Variants in RAB11A observed in about 807,000 individuals in gnomAD.
RAB11A encodes RAB11A, member RAS oncogene family, also known as ras-related protein Rab-11A.
RAB11A carries 9 observed loss-of-function variants against 28.0 expected under a neutral mutation model. The ratio of observed to expected loss-of-function variants is 0.32; its 90% confidence interval spans 0.19 to 0.56. The LOEUF is 0.56. RAB11A is among the 20% of genes least tolerant of loss of function. The probability of loss-of-function intolerance (pLI) is 0.91; values close to 1 mark genes in which losing one functional copy is unlikely to be tolerated. For missense variants in RAB11A, 108 were observed against 269.6 expected (o/e 0.40, Z 4.20); for synonymous variants, 85 against 88.2 (o/e 0.96, Z 0.20).
At chr15:65,879,317 G>C (rs1243358332) in intron 3 of RAB11A, among the ~76,000 whole-genome samples, 1 of 152,080 alleles carries the variant, frequency 6.6e-6, no homozygotes, top group Non-Finnish European at 1.5e-5. Flanking sequence ...CAGCTCTCTT[G>C]CTATTATTTT....
At chr15:65,871,919 G>A (rs79446161) in intron 1 of RAB11A, among the ~76,000 whole-genome samples, 1 of 72,034 alleles carries the variant, frequency 1.4e-5, no homozygotes, top group Non-Finnish European at 2.6e-5. Flanking sequence ...GGTTTTGTCA[G>A]TTTTTTTTTT....
At chr15:65,885,379 G>A (rs576281507) in intron 4 of RAB11A, among the ~76,000 whole-genome samples, 7 of 152,134 alleles carry the variant, frequency 4.6e-5, no homozygotes, top group African/African-American at 1.7e-4. Context: ...GCCCGCCTTG[G>A]ACTCCTAAAG....
At chr15:65,878,611 G>T (rs2078202999) in intron 3 of RAB11A, among the ~76,000 whole-genome samples, 1 of 152,210 alleles carries the variant, frequency 6.6e-6, no homozygotes. Flanking sequence ...CCCGGGAGCA[G>T]AGCTTGCAGT....
intron 4 of RAB11A, among the ~76,000 whole-genome samples, chr15:65,881,124 C>T (rs889112717): frequency 1.3e-5 from 2 of 152,128 alleles, no homozygotes; most frequent in African/African-American, 4.8e-5. Context: ...TTTCTGTTAT[C>T]AGAAGAATAG....
intron 1 of RAB11A, among the ~76,000 whole-genome samples, chr15:65,870,667 C>T (rs1289754818): frequency 6.6e-6 from 1 of 152,190 alleles, no homozygotes; most frequent in East Asian, 1.9e-4. Flanking sequence ...CTGGGAGGAT[C>T]CAACAGGAAG....
At chr15:65,885,597 C>T (rs1048068139) in intron 4 of RAB11A, among the ~76,000 whole-genome samples, 1 of 152,158 alleles carries the variant, frequency 6.6e-6, no homozygotes, top group Admixed American at 6.5e-5. Context: ...TGAAAGCTAT[C>T]TGATACAGCT....
intron 1 of RAB11A, among the ~76,000 whole-genome samples, chr15:65,876,238 T>C (rs548006091): frequency 1.3e-5 from 2 of 152,260 alleles, no homozygotes; most frequent in South Asian, 4.1e-4. Flanking sequence ...AAGACCTATT[T>C]TCAAAAAAAT....
intron 4 of RAB11A, among the ~76,000 whole-genome samples, chr15:65,881,816 C>A (rs960235963): frequency 6.7e-6 from 1 of 149,852 alleles, no homozygotes; most frequent in Admixed American, 6.7e-5. Flanking sequence ...ATGTCTGCTG[C>A]CACATGCAGT....
In RAB11A at chr15:65,877,322, G is replaced by T; in HGVS notation, c.41-10G>T. 1 of 1,599,964 alleles carries T rather than the reference G, an allele frequency of 6.3e-7. No homozygotes were observed. Among genetic ancestry groups the T allele is most frequent in the Non-Finnish European group, 8.5e-7 (1 of 1,170,668 alleles). Reference sequence around the variant, plus strand: ...TCATTCATCTGACATTGAATTCTTTGTCTTTCCAGTTGTCCTTATTGGAGA... The same window carrying T: ...TCATTCATCTGACATTGAATTCTTTTTCTTTCCAGTTGTCCTTATTGGAGA... On this transcript the variant is annotated splice_polypyrimidine_tract_variant and intron_variant, in intron 1 of 4. Transcript: ENST00000261890. This position sits in a 1 kb window ranked among gnomAD's most constrained non-coding sequence, Gnocchi z 4.1.
intron 4 of RAB11A, among the ~76,000 whole-genome samples, chr15:65,882,690 T>A (rs2078230028): frequency 6.6e-6 from 1 of 152,200 alleles, no homozygotes; most frequent in South Asian, 2.1e-4. Flanking sequence ...CCCATGAATT[T>A]GAAAGTGACT....
intron 4 of RAB11A, among the ~76,000 whole-genome samples, chr15:65,881,476 G>A (rs1227033761): frequency 6.6e-6 from 1 of 152,144 alleles, no homozygotes; most frequent in African/African-American, 2.4e-5. Context: ...TAAGGCCTCA[G>A]AAAGTCTCAT....
intron 4 of RAB11A, among the ~76,000 whole-genome samples, chr15:65,883,427 G>A (rs1260527191): frequency 6.6e-6 from 1 of 152,092 alleles, no homozygotes; most frequent in African/African-American, 2.4e-5. Context: ...ACTTTTGGCA[G>A]GAACACCACA....
intron 4 of RAB11A, among the ~76,000 whole-genome samples, chr15:65,880,874 G>A (rs1361851270): frequency 6.6e-6 from 1 of 152,108 alleles, no homozygotes; most frequent in Admixed American, 6.5e-5. Context: ...ATAAAATCTT[G>A]TGATAGGATT....
At chr15:65,880,277 A>G (rs1205184836) in intron 4 of RAB11A, among the ~76,000 whole-genome samples, 1 of 152,222 alleles carries the variant, frequency 6.6e-6, no homozygotes, top group African/African-American at 2.4e-5. Flanking sequence ...AAAGTTTTAA[A>G]AAGTAGTTGG....
chr15:65,885,773 G>A (rs2078252472), intron 4 of RAB11A, among the ~76,000 whole-genome samples: 1 of 152,202 alleles, frequency 6.6e-6, no homozygotes. Flanking sequence ...TTGGAGAAAA[G>A]GCATACGAAA....
intron 1 of RAB11A, chr15:65,869,915 T>G: frequency 3.3e-6 from 1 of 305,662 alleles, no homozygotes; most frequent in Non-Finnish European, 6.0e-6. Context: ...GTCGAATTCC[T>G]TTCCCCGGGT....
intron 1 of RAB11A, 24 bp downstream of exon 1, chr15:65,869,649 C>T: frequency 6.2e-7 from 1 of 1,604,284 alleles, no homozygotes; most frequent in Non-Finnish European, 8.5e-7. Context: ...CTCTCGCACT[C>T]TACACAGTCC....
rs1056460674 is a variant in RAB11A at position 65,889,525 on chromosome 15, G to A, written c.*1685G>A. The stretch of plus-strand genomic sequence containing the variant: ...GCAGCCGTGGAATCCTGATGTAAAA[G>A]CATAGGTTCTTGCATTACTGAGTAA... On this transcript the variant is annotated 3_prime_UTR_variant, in exon 5 of 5. Transcript: ENST00000261890. 1 of 152,142 alleles carries A rather than the reference G, an allele frequency of 6.6e-6. No homozygotes were observed. The highest frequency in any genetic ancestry group is 2.4e-5 in the African/African-American group (1 of 41,424). 9.4% of individuals were successfully genotyped at this position (152,142 alleles called of 1,614,324 possible).
In RAB11A at chr15:65,889,867, G is replaced by T. The variant is rs1432576009; in HGVS notation, c.*2027G>T. On this transcript the variant is annotated 3_prime_UTR_variant, in exon 5 of 5. Transcript: ENST00000261890. ...ATGGCTGGATCTTGGGAGAATTCCA[G>T]GAAATATTAGGTATTAGAAAATGAC... 1 of 152,152 alleles carries T rather than the reference G, an allele frequency of 6.6e-6. No individual in the cohort carries two copies. The highest frequency in any genetic ancestry group is 6.5e-5 in the Admixed American group (1 of 15,284). The allele number at this position is 152,152 out of a possible 1,614,324, so 9.4% of individuals were successfully genotyped here.
Sources: gnomAD v4.1 joint callset for allele counts (sites outside exome capture counted in the v4.1 genomes callset) on GRCh38, gnomAD v4.1.1 for gene constraint, Gnocchi (gnomAD v3.1) non-coding constraint, MANE v1.5 for transcripts, NCBI Gene and HGNC (gene_info 2026-07-23, HGNC 2026-07-21) for gene names.